WDR70: variants seen among roughly 807,000 people sequenced by gnomAD.
The protein encoded by WDR70 is WD repeat-containing protein 70.
Under a neutral mutation model 88.6 loss-of-function variants are expected in WDR70, and 53 were observed. That is an observed-to-expected ratio of 0.60 (90% CI 0.48 to 0.75). The LOEUF is 0.75. Ranked by LOEUF, WDR70 falls within the 30% of genes least tolerant of loss-of-function variation. The pLI is 0.00. For missense variants in WDR70, 610 were observed against 823.2 expected (o/e 0.74, Z 3.17); for synonymous variants, 280 against 270.0 (o/e 1.04, Z -0.36).
At chr5:37,394,738 G>C (rs905048361) in intron 4 of WDR70, among the ~76,000 whole-genome samples, 1 of 152,130 alleles carries the variant, frequency 6.6e-6, no homozygotes, top group African/African-American at 2.4e-5. Flanking sequence ...GGGTAAGTCA[G>C]CCGACAGAAC....
chr5:37,471,474 A>G lies in WDR70; in HGVS notation c.687-8360A>G, dbSNP rs569644769. Among the ~76,000 whole-genome samples, 23 of 151,336 alleles carry G rather than the reference A, an allele frequency of 1.5e-4. No individual in the cohort carries two copies. In the South Asian group the frequency reaches 4.6e-3, roughly 30 times the overall value. ...CGGTGGTTGCCTTTTTTTTTTAAAT[A>G]CCATTTAATAGATTTTAAAAATATG... On this transcript the variant is annotated intron_variant, in intron 7 of 17. Coordinates refer to ENST00000265107, the MANE Select transcript of WDR70 (RefSeq NM_018034.4).
At chr5:37,730,254 A>G (rs1382988077) in intron 17 of WDR70, among the ~76,000 whole-genome samples, 1 of 152,106 alleles carries the variant, frequency 6.6e-6, no homozygotes. Context: ...ATGAAATTTA[A>G]CTTTAAATGA....
chr5:37,671,189 T>C (rs973072113), intron 10 of WDR70, among the ~76,000 whole-genome samples: 2 of 152,156 alleles, frequency 1.3e-5, no homozygotes, highest in Admixed American at 1.3e-4. Context: ...TGAGAGGTCA[T>C]AGGGATAGGT....
chr5:37,490,013 G>T (rs1466790787), intron 8 of WDR70, among the ~76,000 whole-genome samples: 2 of 152,204 alleles, frequency 1.3e-5, no homozygotes, highest in East Asian at 3.9e-4. Context: ...GGTATAGGCT[G>T]TGGTAGGTGG....
At chr5:37,384,632 C>T (rs1748546876) in intron 3 of WDR70, among the ~76,000 whole-genome samples, 1 of 137,698 alleles carries the variant, frequency 7.3e-6, no homozygotes, top group Non-Finnish European at 1.5e-5. Flanking sequence ...TGCACTCCAG[C>T]CTGGGCGACA....
chr5:37,584,490 TC>T (rs1743309541), intron 9 of WDR70, among the ~76,000 whole-genome samples: 1 of 152,034 alleles, frequency 6.6e-6, no homozygotes, highest in Non-Finnish European at 1.5e-5. Context: ...AATCATCAAT[TC>T]CCTTTCAAAA....
At chr5:37,697,115 G>A (rs938247973) in intron 10 of WDR70, among the ~76,000 whole-genome samples, 1 of 152,170 alleles carries the variant, frequency 6.6e-6, no homozygotes, top group African/African-American at 2.4e-5. Flanking sequence ...AGATAGGAAA[G>A]CATATAGTGC....
intron 7 of WDR70, among the ~76,000 whole-genome samples, chr5:37,469,046 A>G (rs888458453): frequency 6.6e-6 from 1 of 152,236 alleles, no homozygotes; most frequent in African/African-American, 2.4e-5. Context: ...AAGACTGACT[A>G]TAAACAAAAT....
At chr5:37,468,083 T>C (rs953227333) in intron 7 of WDR70, among the ~76,000 whole-genome samples, 5 of 152,082 alleles carry the variant, frequency 3.3e-5, no homozygotes, top group Admixed American at 3.3e-4. Context: ...TCTCCTGACC[T>C]TGTGATTCAC....
chr5:37,531,219 C>G (rs1741472146), intron 9 of WDR70, among the ~76,000 whole-genome samples: 1 of 152,096 alleles, frequency 6.6e-6, no homozygotes, highest in Non-Finnish European at 1.5e-5. Context: ...ATCATATGGT[C>G]TGTCTTGGAG....
chr5:37,480,429 A>C (rs75618944), intron 8 of WDR70, among the ~76,000 whole-genome samples: 15,792 of 152,204 alleles, frequency 0.1, 962 homozygotes, highest in South Asian at 0.2. Context: ...TAAAGGAAAG[A>C]GGTTAATTGT....
intron 10 of WDR70, among the ~76,000 whole-genome samples, chr5:37,634,303 A>AAAAAAAAAAG (rs1744899539): frequency 6.6e-6 from 1 of 151,574 alleles, no homozygotes; most frequent in Non-Finnish European, 1.5e-5. Context: ...TGTCTCAAAA[A>AAAAAAAAAAG]AAAAAAAAGA....
chr5:37,751,321 C>G (rs1748800561), intron 17 of WDR70, among the ~76,000 whole-genome samples: 1 of 152,200 alleles, frequency 6.6e-6, no homozygotes, highest in Non-Finnish European at 1.5e-5. Context: ...GATATCATAA[C>G]AGTGTCTTAA....
intron 7 of WDR70, among the ~76,000 whole-genome samples, chr5:37,447,776 G>A (rs1335501826): frequency 6.6e-6 from 1 of 152,124 alleles, no homozygotes; most frequent in African/African-American, 2.4e-5. Flanking sequence ...ATCACACACC[G>A]GGGCCTGTCA....
intron 10 of WDR70, among the ~76,000 whole-genome samples, chr5:37,659,054 C>T (rs1207489676): frequency 6.6e-6 from 1 of 152,128 alleles, no homozygotes; most frequent in African/African-American, 2.4e-5. Context: ...GGAGTAGTCT[C>T]AATAATCTGT....
At position 37,457,612 on chromosome 5, in the gene WDR70, C is replaced by G. The variant is rs541010150; in HGVS notation, c.686+14240C>G. Among the ~76,000 whole-genome samples, 11 of 152,232 alleles carry G rather than the reference C, an allele frequency of 7.2e-5. No individual in the cohort carries two copies. The East Asian group carries it at 2.1e-3, about 29-fold the overall frequency. ...CCACATATGTGGAAATGATCAGGAA[C>G]AAGTTTATTTATTATAGCATTATAT... On this transcript the variant is annotated intron_variant, in intron 7 of 17. Transcript: ENST00000265107.
At chr5:37,521,313 T>C (rs28625403) in intron 9 of WDR70, among the ~76,000 whole-genome samples, 2,961 of 142,878 alleles carry the variant, frequency 0.021, 88 homozygotes, top group African/African-American at 0.07. Context: ...ACACAAACAT[T>C]TAAAAGTTTT....
intron 8 of WDR70, among the ~76,000 whole-genome samples, chr5:37,485,132 T>C (rs1333089794): frequency 2.0e-5 from 3 of 152,206 alleles, no homozygotes; most frequent in Admixed American, 2.0e-4. Context: ...GAACCTTTGT[T>C]TTAATTCTGA....
In WDR70 at chr5:37,700,446, A is replaced by G. The variant is rs968499965; in HGVS notation, c.1193-612A>G. ...GCTGCCAAAGCGAACACAAAAAGTG[A>G]TTCCTTAAAAATACTCATTATTCTT... On this transcript the variant is annotated intron_variant, in intron 11 of 17. Transcript: ENST00000265107. 16 of 152,408 alleles carry G rather than the reference A, an allele frequency of 1.0e-4. 1 individual carries two copies. The highest frequency in any genetic ancestry group is 7.2e-4 in the Admixed American group (11 of 15,306). 9.4% of individuals were successfully genotyped at this position (152,408 alleles called of 1,614,324 possible).
Sources: allele counts gnomAD v4.1 joint callset (sites outside exome capture counted in the v4.1 genomes callset), GRCh38; gene constraint gnomAD v4.1.1; transcripts MANE v1.5; gene names NCBI Gene and HGNC (gene_info 2026-07-23, HGNC 2026-07-21).